NFIA: variants seen among roughly 807,000 people sequenced by gnomAD.
NFIA encodes nuclear factor I A.
A neutral mutation model predicts 62.8 loss-of-function variants in NFIA; 8 were observed. That is an observed-to-expected ratio of 0.13 (90% CI 0.07 to 0.23). The LOEUF is 0.23. Ranked by LOEUF, NFIA falls within the 10% of genes least tolerant of loss-of-function variation. The probability of loss-of-function intolerance (pLI) is 1.00; values close to 1 mark genes in which losing one functional copy is unlikely to be tolerated. For synonymous variants in NFIA, 235 were observed against 238.1 expected (o/e 0.99, Z 0.12); for missense variants, 410 against 642.1 (o/e 0.64, Z 3.91).
chr1:61,316,108 T>C (rs1260871332), intron 3 of NFIA, among the ~76,000 whole-genome samples: 1 of 152,178 alleles, frequency 6.6e-6, no homozygotes, highest in Non-Finnish European at 1.5e-5. Flanking sequence ...GTCGAGTTTA[T>C]ATTTATAGAC....
At chr1:61,172,494 G>C (rs1650034966) in intron 2 of NFIA, among the ~76,000 whole-genome samples, 1 of 152,164 alleles carries the variant, frequency 6.6e-6, no homozygotes, top group Non-Finnish European at 1.5e-5. Context: ...TATTTAACAA[G>C]AAGCTGACTT....
At chr1:61,292,645 G>T (rs1243934229) in intron 3 of NFIA, among the ~76,000 whole-genome samples, 5 of 152,138 alleles carry the variant, frequency 3.3e-5, no homozygotes, top group African/African-American at 4.8e-5. Flanking sequence ...AGTGATAAAG[G>T]CTATGCAAGA....
At chr1:61,385,075 T>TA (rs1195179637) in intron 7 of NFIA, among the ~76,000 whole-genome samples, 6 of 151,062 alleles carry the variant, frequency 4.0e-5, no homozygotes, top group Non-Finnish European at 5.9e-5. Context: ...CTACTAAAAA[T>TA]ACAAAAAAAA....
intron 4 of NFIA, among the ~76,000 whole-genome samples, chr1:61,348,802 C>T (rs1662390293): frequency 6.6e-6 from 1 of 152,202 alleles, no homozygotes; most frequent in African/African-American, 2.4e-5. Flanking sequence ...CTGTGTTCCT[C>T]TCCTTCCAAG....
intron 7 of NFIA, among the ~76,000 whole-genome samples, chr1:61,387,931 T>A (rs1664788107): frequency 6.6e-6 from 1 of 152,228 alleles, no homozygotes; most frequent in Non-Finnish European, 1.5e-5. Flanking sequence ...TGCAAGATTC[T>A]CTAAGTAGAG....
intron 2 of NFIA, among the ~76,000 whole-genome samples, chr1:61,215,909 C>T (rs761264294): frequency 3.3e-5 from 5 of 152,170 alleles, no homozygotes; most frequent in African/African-American, 4.8e-5. Flanking sequence ...TTAGCGCATG[C>T]GGTCAGCATT....
At chr1:61,213,823 C>A (rs1017109623) in intron 2 of NFIA, among the ~76,000 whole-genome samples, 5 of 152,152 alleles carry the variant, frequency 3.3e-5, no homozygotes, top group African/African-American at 1.2e-4. Flanking sequence ...TGTCACACTG[C>A]ACACAGATCA....
intron 10 of NFIA, among the ~76,000 whole-genome samples, chr1:61,428,798 A>G (rs1170011190): frequency 2.6e-5 from 4 of 152,192 alleles, no homozygotes; most frequent in Non-Finnish European, 5.9e-5. Context: ...CAGATTTCCT[A>G]GGCAAACTTG....
intron 2 of NFIA, among the ~76,000 whole-genome samples, chr1:61,225,636 T>G (rs867477664): frequency 2.9e-4 from 44 of 151,964 alleles, no homozygotes; most frequent in African/African-American, 1.0e-3. Context: ...AAAGGAAGTT[T>G]GCTTGTTCGT....
chr1:61,409,915 A>G (rs1666022902), intron 9 of NFIA, among the ~76,000 whole-genome samples: 1 of 152,238 alleles, frequency 6.6e-6, no homozygotes, highest in South Asian at 2.1e-4. Context: ...AGCCAAGAGT[A>G]GATGGAAGGG....
intron 9 of NFIA, among the ~76,000 whole-genome samples, chr1:61,407,214 G>C (rs892783771): frequency 6.6e-6 from 1 of 152,100 alleles, no homozygotes; most frequent in East Asian, 1.9e-4. Context: ...CTGACCATTC[G>C]CTGAGAGTAA....
intron 2 of NFIA, among the ~76,000 whole-genome samples, chr1:61,135,212 A>G (rs1181134642): frequency 6.6e-6 from 1 of 152,190 alleles, no homozygotes; most frequent in Non-Finnish European, 1.5e-5. Flanking sequence ...TAACATGGAA[A>G]CTTTAGATTT....
At chr1:61,291,215 C>T (rs1366024764) in intron 3 of NFIA, among the ~76,000 whole-genome samples, 4 of 152,156 alleles carry the variant, frequency 2.6e-5, no homozygotes, top group Non-Finnish European at 5.9e-5. Flanking sequence ...TCCATTGTAC[C>T]CCTTTCCGGT....
chr1:61,148,861 A>G (rs1648197098), intron 2 of NFIA, among the ~76,000 whole-genome samples: 1 of 152,090 alleles, frequency 6.6e-6, no homozygotes, highest in Non-Finnish European at 1.5e-5. Flanking sequence ...AAATTGAACC[A>G]TTCTCTTTCT....
Position 61,455,519 on chromosome 1 carries a change from T to A in NFIA, c.*199T>A, listed in dbSNP as rs1220814920. On this transcript the variant is annotated 3_prime_UTR_variant, in exon 11 of 11. Coordinates refer to ENST00000403491, the MANE Select transcript of NFIA (RefSeq NM_001134673.4). ...AAGGCCATAACCTTTTGGGATTTTTTTTTTTTTAAAATACTTTAGGGACTG... is the reference window on the plus strand; with the variant it reads ...AAGGCCATAACCTTTTGGGATTTTTATTTTTTTAAAATACTTTAGGGACTG... 2.6e-6 allele frequency: 2 copies of A among 781,746 alleles called. No homozygotes were observed. Among genetic ancestry groups the A allele is most frequent in the Non-Finnish European group, 4.0e-6 (2 of 495,500 alleles). 48.4% of individuals were successfully genotyped at this position (781,746 alleles called of 1,614,324 possible).
intron 3 of NFIA, among the ~76,000 whole-genome samples, chr1:61,292,546 A>G (rs1658956878): frequency 6.6e-6 from 1 of 152,200 alleles, no homozygotes; most frequent in Admixed American, 6.5e-5. Flanking sequence ...AGCAAAGGAT[A>G]CAGATATTTA....
intron 9 of NFIA, among the ~76,000 whole-genome samples, chr1:61,407,840 T>C (rs74089327): frequency 0.045 from 6,805 of 152,226 alleles, 491 homozygotes; most frequent in African/African-American, 0.16. Flanking sequence ...GGGAGTGTTT[T>C]GTAGACATAA....
At chr1:61,285,974 A>G (rs962043109) in intron 3 of NFIA, among the ~76,000 whole-genome samples, 2 of 152,228 alleles carry the variant, frequency 1.3e-5, no homozygotes, top group African/African-American at 4.8e-5. Flanking sequence ...ATGAACAAGA[A>G]GAAGCCAAAT....
intron 2 of NFIA, among the ~76,000 whole-genome samples, chr1:61,126,696 A>G (rs1646976914): frequency 6.6e-6 from 1 of 151,374 alleles, no homozygotes; most frequent in African/African-American, 2.4e-5. Context: ...TAGTCTATGT[A>G]TAAGTTTCTG....
Sources: gnomAD v4.1 joint callset for allele counts (sites outside exome capture counted in the v4.1 genomes callset) on GRCh38, gnomAD v4.1.1 for gene constraint, MANE v1.5 for transcripts, NCBI Gene and HGNC (gene_info 2026-07-23, HGNC 2026-07-21) for gene names.